SAMD3: variants seen among roughly 807,000 people sequenced by gnomAD.
The protein encoded by SAMD3 is sterile alpha motif domain containing 3.
In SAMD3, 63 loss-of-function variants were observed where a neutral mutation model predicts 58.5. That is an observed-to-expected ratio of 1.08 (90% CI 0.88 to 1.33). The LOEUF is 1.33. SAMD3 is among the 40% of genes most tolerant of loss of function. The pLI is 0.00. For missense variants in SAMD3, 604 were observed against 608.4 expected (o/e 0.99, Z 0.08); for synonymous variants, 220 against 210.3 (o/e 1.05, Z -0.40).
At position 130,233,735 on chromosome 6, in the gene SAMD3, A is replaced by G. The variant is rs180798858; in HGVS notation, c.-187-10922T>C. ...TCATGGAAGCTTATGGGCTGAATTT[A>G]TAAGATGAATCTAGTGTTCAAGGTG... is the stretch of plus-strand genomic sequence containing the variant. On this transcript the variant is annotated intron_variant, in intron 2 of 13. Transcript: ENST00000368134. Among the ~76,000 whole-genome samples the G allele has an allele frequency of 6.1e-4, 93 of 152,356 alleles. 2 individuals are homozygous for G. The highest frequency in any genetic ancestry group is 2.5e-3 in the Admixed American group (38 of 15,298).
In SAMD3 at chr6:130,154,831, A is replaced by T; in HGVS notation, c.1017T>A (p.Pro339=). 6.2e-7 allele frequency: 1 copy of T among 1,607,574 alleles called. No individual in the cohort carries two copies. The highest frequency in any genetic ancestry group is 8.5e-7 in the Non-Finnish European group (1 of 1,175,538). Residue 339 remains proline, a synonymous_variant, in exon 9 of 12, where the codon CCT becomes CCA. Coordinates refer to ENST00000439090, the MANE Select transcript of SAMD3 (RefSeq NM_001017373.4). ...ATATATAGAATAAAGATACCTGATA[A>T]GGGCACTTCAAGAAAGGAAACAGTT... ...ILKLFPFLKC[P]YQMFREFQLL...
At chr6:130,317,009 C>A (rs1387233578) in intron 1 of SAMD3, among the ~76,000 whole-genome samples, 1 of 152,184 alleles carries the variant, frequency 6.6e-6, no homozygotes, top group African/African-American at 2.4e-5. Flanking sequence ...GCAGACTGCA[C>A]ATCAGGCCTT....
chr6:130,307,445 A>C (rs1775946150), intron 2 of SAMD3, among the ~76,000 whole-genome samples: 1 of 152,220 alleles, frequency 6.6e-6, no homozygotes, highest in Non-Finnish European at 1.5e-5. Flanking sequence ...TTTGTAATTA[A>C]CTGTGAAAAT....
intron 8 of SAMD3, among the ~76,000 whole-genome samples, chr6:130,168,944 A>G (rs535334033): frequency 1.1e-4 from 16 of 152,226 alleles, no homozygotes; most frequent in African/African-American, 3.4e-4. Flanking sequence ...GCTAGGACTT[A>G]CAGGCACATG....
chr6:130,283,862 G>A (rs1223458096), intron 2 of SAMD3, among the ~76,000 whole-genome samples: 1 of 152,150 alleles, frequency 6.6e-6, no homozygotes, highest in Non-Finnish European at 1.5e-5. Flanking sequence ...ATTTTTTTGA[G>A]AGAGGGTCTT....
chr6:130,284,260 G>A (rs1775082851), intron 2 of SAMD3, among the ~76,000 whole-genome samples: 1 of 152,158 alleles, frequency 6.6e-6, no homozygotes, highest in African/African-American at 2.4e-5. Context: ...ATAAGAAGAT[G>A]AGTAATTTTT....
At chr6:130,237,355 A>G (rs1297800581) in intron 2 of SAMD3, among the ~76,000 whole-genome samples, 1 of 152,156 alleles carries the variant, frequency 6.6e-6, no homozygotes, top group African/African-American at 2.4e-5. Flanking sequence ...CCCTGTATAT[A>G]ATTCTTTCCT....
chr6:130,321,715 A>C (rs55959835), intron 1 of SAMD3, among the ~76,000 whole-genome samples: 73,558 of 151,650 alleles, frequency 0.49, 21,871 homozygotes, highest in African/African-American at 0.85. Context: ...CCAATAAAAT[A>C]AGATGAGAAC....
At chr6:130,273,256 A>G (rs184132589) in intron 2 of SAMD3, among the ~76,000 whole-genome samples, 149 of 152,200 alleles carry the variant, frequency 9.8e-4, no homozygotes, top group Admixed American at 7.9e-4. Flanking sequence ...ATCATTATAT[A>G]ATGTATTTCT....
chr6:130,218,775 A>G (rs1582962855), intron 1 of SAMD3, among the ~76,000 whole-genome samples: 1 of 151,800 alleles, frequency 6.6e-6, no homozygotes, highest in South Asian at 2.1e-4. Flanking sequence ...GAAGCTGGAG[A>G]AAGCAGGATC....
chr6:130,350,892 A>T (rs1777635677), intron 1 of SAMD3, among the ~76,000 whole-genome samples: 1 of 152,200 alleles, frequency 6.6e-6, no homozygotes, highest in Admixed American at 6.5e-5. Flanking sequence ...AGACCAATGG[A>T]ACAGAACAGA....
intron 2 of SAMD3, among the ~76,000 whole-genome samples, chr6:130,245,638 A>G (rs1034993005): frequency 3.3e-5 from 5 of 152,356 alleles, no homozygotes; most frequent in South Asian, 4.1e-4. Context: ...AGGCCCCCCA[A>G]TAAGCTTAAG....
chr6:130,199,055 TTACTTTCTGGTC>T (rs1794406386), intron 5 of SAMD3, among the ~76,000 whole-genome samples: 1 of 152,224 alleles, frequency 6.6e-6, no homozygotes, highest in South Asian at 2.1e-4. Context: ...TAAAATAGTA[TTACTTTCTGGTC>T]CTCCAGGGAG....
intron 2 of SAMD3, among the ~76,000 whole-genome samples, chr6:130,292,776 G>A (rs997036530): frequency 3.3e-5 from 5 of 151,786 alleles, no homozygotes; most frequent in South Asian, 2.1e-4. Context: ...CCGTCACCAC[G>A]CCCGGCTAAT....
chr6:130,250,973 G>A (rs1276282936), intron 2 of SAMD3, among the ~76,000 whole-genome samples: 1 of 152,104 alleles, frequency 6.6e-6, no homozygotes, highest in Non-Finnish European at 1.5e-5. Flanking sequence ...GGTATTGCTG[G>A]GTAATATGAT....
intron 2 of SAMD3, among the ~76,000 whole-genome samples, chr6:130,278,305 T>G (rs987163931): frequency 1.3e-4 from 20 of 152,154 alleles, no homozygotes; most frequent in Non-Finnish European, 2.5e-4. Context: ...CCTTAAAAAC[T>G]CTGATCCTTG....
chr6:130,180,953 C>CTTTCT (rs56707260), intron 7 of SAMD3, among the ~76,000 whole-genome samples: 2 of 117,358 alleles, frequency 1.7e-5, no homozygotes, highest in Non-Finnish European at 1.7e-5. Context: ...TTCTTTCTTT[C>CTTTCT]TTTTTTCTTT....
chr6:130,162,357 C>T, intron 8 of SAMD3: 1 of 687,198 alleles, frequency 1.5e-6, no homozygotes, highest in Non-Finnish European at 2.6e-6. Flanking sequence ...AGTAAGACGG[C>T]ATGGTTAAAA....
At chr6:130,191,154 G>A (rs1489040613) in intron 5 of SAMD3, among the ~76,000 whole-genome samples, 1 of 151,784 alleles carries the variant, frequency 6.6e-6, no homozygotes, top group Non-Finnish European at 1.5e-5. Flanking sequence ...TATATATTGA[G>A]TGACATGGGT....
Sources: allele counts gnomAD v4.1 joint callset (sites outside exome capture counted in the v4.1 genomes callset), GRCh38; gene constraint gnomAD v4.1.1; transcripts MANE v1.5; gene names NCBI Gene and HGNC (gene_info 2026-07-23, HGNC 2026-07-21).